The following DPH6 variants were observed in gnomAD, a reference collection of about 807,000 sequenced individuals.
DPH6 encodes the protein diphthamine biosynthesis 6.
Under a neutral mutation model 38.2 loss-of-function variants are expected in DPH6, and 33 were observed. The ratio of observed to expected loss-of-function variants is 0.86; its 90% CI spans 0.65 to 1.15. The LOEUF is 1.15. DPH6 is among the 50% of genes most tolerant of loss of function. The pLI is 0.00. For missense variants in DPH6, 325 were observed against 320.0 expected (o/e 1.02, Z -0.12); for synonymous variants, 108 against 103.0 (o/e 1.05, Z -0.30).
rs567943930 is a variant in DPH6, at chr15:35,264,094, T to G, written n.201-43512A>C. ...AAATTCACTCATATGGATTTAAGCC[T>G]TGTTTTTTTTTTTAATTCAAAGATT... On this transcript the variant is annotated intron_variant and non_coding_transcript_variant, in intron 3 of 3. Transcript: ENST00000560386. 1.1e-4 allele frequency among the ~76,000 whole-genome samples: 12 copies of G among 105,666 alleles called. No individual in the cohort carries two copies. The East Asian group carries it at 2.5e-3, about 22-fold the overall frequency. The allele number at this position is 105,666 out of a possible 152,430, so 69.3% of individuals were successfully genotyped here. A position where few individuals can be genotyped will look rare whatever the true frequency, so the allele number is the denominator to read the frequency against.
At chr15:35,182,247 T>G in the DPH6 span, among the ~76,000 whole-genome samples, 13 of 116,148 alleles carry the variant, frequency 1.1e-4, no homozygotes, top group East Asian at 3.9e-4. Flanking sequence ...TTTTTTTTTT[T>G]TTTTTTTTTA....
chr15:35,185,810 G>A, the DPH6 span, among the ~76,000 whole-genome samples: 1 of 140,096 alleles, frequency 7.1e-6, no homozygotes, highest in Non-Finnish European at 1.5e-5. Flanking sequence ...TCGGCTCACT[G>A]CAAGCTCTGC....
chr15:35,415,521 T>C (rs1028543270), intron 5 of DPH6, among the ~76,000 whole-genome samples: 1 of 152,060 alleles, frequency 6.6e-6, no homozygotes, highest in Non-Finnish European at 1.5e-5. Flanking sequence ...TGTTAAAATA[T>C]AGAAATAGCA....
chr15:35,456,865 C>A (rs183761031), intron 3 of DPH6, among the ~76,000 whole-genome samples: 11 of 152,272 alleles, frequency 7.2e-5, no homozygotes, highest in Non-Finnish European at 1.2e-4. Context: ...TTAGTTAATG[C>A]TCATCACAAC....
At chr15:35,278,476 C>T (rs1466811328) in intron 3 of DPH6, among the ~76,000 whole-genome samples, 1 of 152,248 alleles carries the variant, frequency 6.6e-6, no homozygotes, top group Admixed American at 6.5e-5. Flanking sequence ...CAGAGAGGCT[C>T]TACTAGTAGG....
chr15:35,177,526 C>T, the DPH6 span, among the ~76,000 whole-genome samples: 1 of 137,054 alleles, frequency 7.3e-6, no homozygotes, highest in Middle Eastern at 4.2e-3. Flanking sequence ...TTTCAGGCTA[C>T]AGTGACCTAT....
intron 3 of DPH6, among the ~76,000 whole-genome samples, chr15:35,488,006 T>C (rs1200124907): frequency 6.6e-6 from 1 of 152,220 alleles, no homozygotes; most frequent in African/African-American, 2.4e-5. Flanking sequence ...CACAGATTTC[T>C]AGGGCAGGGG....
intron 3 of DPH6, among the ~76,000 whole-genome samples, chr15:35,312,492 T>C (rs1031523991): frequency 3.5e-4 from 53 of 152,176 alleles, no homozygotes; most frequent in African/African-American, 1.2e-3. Context: ...ACGAAATCTG[T>C]AATTGAGTCC....
At chr15:35,417,529 A>G (rs2053451689) in intron 5 of DPH6, among the ~76,000 whole-genome samples, 1 of 152,028 alleles carries the variant, frequency 6.6e-6, no homozygotes, top group African/African-American at 2.4e-5. Flanking sequence ...AAAAAAGTCA[A>G]TGTCTGAGTT....
intron 6 of DPH6, among the ~76,000 whole-genome samples, chr15:35,383,254 T>C (rs1045003785): frequency 6.6e-6 from 1 of 152,218 alleles, no homozygotes; most frequent in African/African-American, 2.4e-5. Context: ...TAGTCCCTAG[T>C]AAAATAATGT....
intron 6 of DPH6, chr15:35,401,577 T>G (rs1595532797): frequency 1.3e-6 from 1 of 769,302 alleles, no homozygotes; most frequent in South Asian, 1.3e-5. Context: ...TTGGAGGTGG[T>G]GGAAGCTACA....
chr15:35,539,202 C>T (rs578084144), intron 2 of DPH6, among the ~76,000 whole-genome samples: 16 of 151,582 alleles, frequency 1.1e-4, no homozygotes, highest in East Asian at 1.9e-4. Flanking sequence ...CTTTAGATCT[C>T]GTAACCTTAC....
chr15:35,526,417 T>C (rs973074453), intron 3 of DPH6, among the ~76,000 whole-genome samples: 2 of 152,180 alleles, frequency 1.3e-5, no homozygotes, highest in Non-Finnish European at 1.5e-5. Context: ...TTGTCAAAGT[T>C]AGATAGGCTT....
At chr15:35,542,835 TTATTA>T (rs2055275342) in intron 1 of DPH6, among the ~76,000 whole-genome samples, 1 of 146,450 alleles carries the variant, frequency 6.8e-6, no homozygotes, top group African/African-American at 2.5e-5. Flanking sequence ...AGCTAAACAT[TTATTA>T]TATAATTATA....
At chr15:35,418,471 C>T (rs1426719265) in intron 5 of DPH6, among the ~76,000 whole-genome samples, 2 of 152,128 alleles carry the variant, frequency 1.3e-5, no homozygotes, top group East Asian at 3.9e-4. Context: ...TTGATGGAAG[C>T]TGGGTGGATG....
rs1276723429 is a variant in DPH6, at chr15:35,371,893, A to G, written c.*257T>C. On this transcript the variant is annotated 3_prime_UTR_variant, in exon 9 of 9. Transcript: ENST00000256538. The stretch of plus-strand genomic sequence containing the variant: ...TGGGGTTTATAGATGAAATAAAAGA[A>G]AAAAAAGGTCATAGGGAAGATGTGT... 3 of 1,138,712 alleles carry G rather than the reference A, an allele frequency of 2.6e-6. No homozygotes were observed. Among genetic ancestry groups the G allele is most frequent in the Non-Finnish European group, 3.2e-6 (3 of 923,768 alleles). 70.5% of individuals were successfully genotyped at this position (1,138,712 alleles called of 1,614,324 possible).
intron 3 of DPH6, among the ~76,000 whole-genome samples, chr15:35,517,948 A>T (rs1360386680): frequency 6.6e-6 from 1 of 152,112 alleles, no homozygotes; most frequent in African/African-American, 2.4e-5. Context: ...ACTTTAAAAA[A>T]ATTAAATTGA....
chr15:35,481,642 A>T (rs2054328316), intron 3 of DPH6, among the ~76,000 whole-genome samples: 1 of 152,188 alleles, frequency 6.6e-6, no homozygotes, highest in Non-Finnish European at 1.5e-5. Flanking sequence ...ACTTAGAGAT[A>T]GATGCTGAAA....
rs773382519 is a variant in DPH6, at chr15:35,454,803, CT to C, written c.329del (p.Glu110GlyfsTer5). 6.2e-7 allele frequency: 1 copy of C among 1,600,494 alleles called. No homozygotes were observed. The highest frequency in any genetic ancestry group is 8.5e-7 in the Non-Finnish European group (1 of 1,175,650). On this transcript the variant is annotated frameshift_variant, in exon 4 of 9. Transcript: ENST00000256538. LOFTEE classifies it high-confidence loss of function. ...LKLVKEKEEV[E>X]GISVGAILSD... ...AAAGTATAGCACCTACTGATATCCC[CT>C]CTACTTCTTCTTTTTCCTGAAAATA... is the stretch of plus-strand genomic sequence containing the variant.
Sources: gnomAD v4.1 joint callset for allele counts (sites outside exome capture counted in the v4.1 genomes callset) on GRCh38, gnomAD v4.1.1 for gene constraint, MANE v1.5 for transcripts, NCBI Gene and HGNC (gene_info 2026-07-23, HGNC 2026-07-21) for gene names.